The following ZNF687 variants were observed in gnomAD, a reference collection of about 807,000 sequenced individuals.
The protein encoded by ZNF687 is zinc finger protein 687.
ZNF687 carries 13 observed loss-of-function variants against 71.8 expected under a neutral mutation model. The ratio of observed to expected loss-of-function variants is 0.18; its 90% confidence interval spans 0.12 to 0.29. The LOEUF (loss-of-function observed/expected upper bound fraction) is 0.29. ZNF687 is among the 10% of genes least tolerant of loss of function. ZNF687 has a pLI of 1.00. For synonymous variants in ZNF687, 673 were observed against 641.6 expected, an observed-to-expected ratio of 1.05 and a Z score of -0.74; for missense variants, 1,412 against 1,625.6, an observed-to-expected ratio of 0.87 and a Z score of 2.26.
intron 1 of ZNF687, chr1:151,283,941 C>A (rs1449697450): frequency 1.0e-6 from 1 of 985,274 alleles, no homozygotes; most frequent in Non-Finnish European, 1.2e-6. Flanking sequence ...GGGATAGACT[C>A]TTTAGTTGCT....
chr1:151,282,287 C>T, upstream of ZNF687: 2 of 1,003,456 alleles, frequency 2.0e-6, no homozygotes, highest in South Asian at 7.6e-5. Flanking sequence ...GGAGGCCGAA[C>T]CGGAGAGAAG....
chr1:151,285,947 G>A (rs587601028), intron 1 of ZNF687: 1 of 180,332 alleles, frequency 5.5e-6, no homozygotes, highest in African/African-American at 2.3e-5. Flanking sequence ...CTGACCTCAA[G>A]TGATCCATCT....
Position 151,289,999 on chromosome 1 carries a change from C to G in ZNF687, c.2956C>G (p.His986Asp). Residue 986 changes from histidine to aspartate, a missense_variant, in exon 6 of 9, where the codon CAT becomes GAT. By Grantham distance (81) the His-to-Asp change is moderately conservative. Coordinates refer to ENST00000336715, the MANE Select transcript of ZNF687 (RefSeq NM_020832.3). The part of the protein sequence containing the change: ...DEYVAHMKKE[H>D]GKSVKKFPCR... ...ATACGTGGCCCACATGAAGAAGGAG[C>G]ATGGCAAGGTGAGTGGGCCCCAAGG... The G allele has an allele frequency of 1.3e-6, 2 of 1,584,234 alleles. No homozygotes were observed. Among genetic ancestry groups the G allele is most frequent in the Non-Finnish European group, 1.7e-6 (2 of 1,162,710 alleles).
At position 151,289,168 on chromosome 1, in the gene ZNF687, G is replaced by A. The variant is rs1694086159; in HGVS notation, c.2368G>A (p.Val790Ile). The stretch of plus-strand genomic sequence containing the variant: ...CCACATCCAGACGTCGCACTGCGAG[G>A]TTTTCCACAAGTGCCCCATCTGCCC... ...KSHIQTSHCE[V>I]FHKCPICPMA... The change falls in exon 4 of 9, where the codon GTT becomes ATT. Residue 790 changes from valine to isoleucine, a missense_variant. Transcript: ENST00000336715. 10 of 1,614,092 alleles carry A rather than the reference G, an allele frequency of 6.2e-6. No homozygotes were observed. The highest frequency in any genetic ancestry group is 8.5e-6 in the Non-Finnish European group (10 of 1,180,042).
chr1:151,290,838 C>T lies in ZNF687; in HGVS notation c.3343C>T (p.Arg1115Trp), dbSNP rs1161392217. ...TGGAGGCCATGGCCCTCTGCGCTACCGGAGCAGCAGCTCCACAGAACAGAG... is the reference window on the plus strand; with the variant it reads ...TGGAGGCCATGGCCCTCTGCGCTACTGGAGCAGCAGCTCCACAGAACAGAG... ...GSGGHGPLRY[R>W]SSSSTEQSLM... is the part of the protein sequence containing the mutation. Residue 1115 changes from arginine (R) to tryptophan (W), a missense_variant, in exon 9 of 9, where the codon CGG (arginine) becomes TGG (tryptophan). Transcript: ENST00000336715. 11 of 1,614,004 alleles carry T rather than the reference C, an allele frequency of 6.8e-6. No individual in the cohort carries two copies. The highest frequency in any genetic ancestry group is 1.7e-4 in the Middle Eastern group (1 of 6,056).
Position 151,286,314 on chromosome 1 carries a change from AT to A in ZNF687, c.27del (p.Phe9LeufsTer39). The part of the protein sequence containing the change: MGDMKTP[D>X]FDDLLAAFDI... Reference sequence around the variant, plus strand: ...GATATGGGGGATATGAAGACCCCTGATTTTGATGACCTCCTTGCTGCCTTTG... The same window carrying A: ...GATATGGGGGATATGAAGACCCCTGATTTGATGACCTCCTTGCTGCCTTTG... On this transcript the variant is annotated frameshift_variant, in exon 2 of 9. Transcript: ENST00000336715. LOFTEE classifies it high-confidence loss of function. The A allele has an allele frequency of 1.3e-6, 2 of 1,573,196 alleles. No homozygotes were observed. Among genetic ancestry groups the A allele is most frequent in the Non-Finnish European group, 8.6e-7 (1 of 1,163,650 alleles).
intron 1 of ZNF687, chr1:151,285,875 A>G (rs776914199): frequency 6.5e-6 from 1 of 154,530 alleles, no homozygotes; most frequent in Admixed American, 6.5e-5. Flanking sequence ...ACACCTGTCT[A>G]GTTTTTTGTA....
Position 151,289,515 on chromosome 1 carries a change from A to G in ZNF687, c.2609A>G (p.Lys870Arg), listed in dbSNP as rs1374763649. The G allele has an allele frequency of 6.2e-7, 1 of 1,613,976 alleles. No homozygotes were observed. The highest frequency in any genetic ancestry group is 1.7e-5 in the Admixed American group (1 of 60,016). ...TCTTGTCCTCTGCTCTTTGCCCAAA[A>G]AAGGACCATGCTGGAACATCTCAAG... The part of the protein sequence containing the change: ...CPSCPLLFAQ[K>R]RTMLEHLKNT... The change falls in exon 5 of 9, where the codon AAA becomes AGA. Residue 870 changes from lysine to arginine, a missense_variant. Coordinates refer to ENST00000336715, the MANE Select transcript of ZNF687 (RefSeq NM_020832.3).
rs760944471 is a variant in ZNF687, at chr1:151,286,510, C to T, written c.219C>T (p.Gly73=). Residue 73 remains glycine, a synonymous_variant, in exon 2 of 9, where the codon GGC becomes GGT. Coordinates refer to ENST00000336715, the MANE Select transcript of ZNF687 (RefSeq NM_020832.3). ...TTCCAGCCCAGGCCTCTGACCATGG[C>T]CTGCCACCGCCAGACATTTCTGTAG... The part of the protein sequence containing the change: ...PGVPAQASDH[G]LPPPDISVVS... 48 of 1,614,060 alleles carry T rather than the reference C, an allele frequency of 3.0e-5. No homozygotes were observed. Among genetic ancestry groups the T allele is most frequent in the Non-Finnish European group, 3.8e-5 (45 of 1,180,042 alleles).
At position 151,289,278 on chromosome 1, in the gene ZNF687, C is replaced by T; in HGVS notation, c.2471+7C>T. ...TCCAAACTCAGCAGGCCAAGTGAGG[C>T]CCGGGGGAGGGCCGGGCTGGGCCAG... On this transcript the variant is annotated splice_region_variant and intron_variant, in intron 4 of 8. Transcript: ENST00000336715. 1.2e-6 allele frequency: 2 copies of T among 1,613,376 alleles called. No individual in the cohort carries two copies. Among genetic ancestry groups the T allele is most frequent in the Non-Finnish European group, 1.7e-6 (2 of 1,179,592 alleles).
In ZNF687 at chr1:151,290,415, GTCC is replaced by G; in HGVS notation, c.3078-14_3078-12del. The G allele has an allele frequency of 6.2e-7, 1 of 1,613,736 alleles. No individual in the cohort carries two copies. The highest frequency in any genetic ancestry group is 8.5e-7 in the Non-Finnish European group (1 of 1,180,006). ...CGGGCTGTGCCGCTGCTGCCATCCT[GTCC>G]TCTCCCATTTCAGGTATTGCACAGA... On this transcript the variant is annotated splice_polypyrimidine_tract_variant and intron_variant, in intron 7 of 8. Transcript: ENST00000336715.
chr1:151,287,261 T>C lies in ZNF687; in HGVS notation c.970T>C (p.Ser324Pro). The change falls in exon 2 of 9, where the codon TCC (serine) becomes CCC (proline). Residue 324 changes from serine (S) to proline (P), a missense_variant. Transcript: ENST00000336715. This position sits in a 1 kb window ranked among gnomAD's most constrained non-coding sequence, Gnocchi z 5.0. Reference protein sequence around the residue: ...EDSNDSPASSSSRPLKVRIKT... With the variant: ...EDSNDSPASSPSRPLKVRIKT... Reference sequence around the variant, plus strand: ...CAGCAATGACTCCCCTGCCTCCAGCTCCTCTAGGCCTCTTAAGGTGCGGAT... The same window carrying C: ...CAGCAATGACTCCCCTGCCTCCAGCCCCTCTAGGCCTCTTAAGGTGCGGAT... The C allele has an allele frequency of 6.2e-7, 1 of 1,614,122 alleles. No individual in the cohort carries two copies. The highest frequency in any genetic ancestry group is 8.5e-7 in the Non-Finnish European group (1 of 1,180,028).
rs1007007132 is a variant in ZNF687, at chr1:151,287,623, G to A, written c.1332G>A (p.Leu444=). The A allele has an allele frequency of 6.2e-7, 1 of 1,613,220 alleles. No homozygotes were observed. Among genetic ancestry groups the A allele is most frequent in the African/African-American group, 1.3e-5 (1 of 74,894 alleles). The part of the protein sequence containing the change: ...PKMIAKNVLG[L]VPQALPKADG... ...TGATTGCTAAGAACGTGCTAGGCCT[G>A]GTGCCCCAAGCCCTGCCTAAGGCTG... The change falls in exon 2 of 9, where the codon CTG becomes CTA. Residue 444 remains leucine, a synonymous_variant. Coordinates refer to ENST00000336715, the MANE Select transcript of ZNF687 (RefSeq NM_020832.3). This position sits in a 1 kb window ranked among gnomAD's most constrained non-coding sequence, Gnocchi z 5.0.
intron 1 of ZNF687, among the ~76,000 whole-genome samples, chr1:151,282,856 CCA>C (rs1169956506): frequency 6.6e-6 from 1 of 152,146 alleles, no homozygotes; most frequent in African/African-American, 2.4e-5. Context: ...CGATCAGTCT[CCA>C]GTCTCTAGCG....
Position 151,286,854 on chromosome 1 carries a change from G to T in ZNF687, c.563G>T (p.Gly188Val). Residue 188 changes from glycine to valine, a missense_variant, in exon 2 of 9, where the codon GGG becomes GTG. This residue lies in a region of ZNF687 where 490 missense variants were observed against 489.9 expected (regional missense o/e 1.00). Transcript: ENST00000336715. ...PPSAPSPTREGALTPPPFPSS... is the reference protein window; with the variant it reads ...PPSAPSPTREVALTPPPFPSS... ...TCTGCACCCTCTCCCACTCGGGAGG[G>T]GGCTCTGACCCCGCCTCCTTTCCCC... 2 of 1,613,888 alleles carry T rather than the reference G, an allele frequency of 1.2e-6. No homozygotes were observed. The highest frequency in any genetic ancestry group is 2.2e-5 in the South Asian group (2 of 91,060).
chr1:151,283,602 T>TTC (rs1693822568), intron 1 of ZNF687, among the ~76,000 whole-genome samples: 1 of 152,138 alleles, frequency 6.6e-6, no homozygotes, highest in South Asian at 2.1e-4. Context: ...CGCAGGTGTT[T>TTC]TCTCCTAGTC....
Position 151,286,343 on chromosome 1 carries a change from A to C in ZNF687, c.52A>C (p.Ile18Leu). 3.8e-6 allele frequency: 6 copies of C among 1,596,724 alleles called. No individual in the cohort carries two copies. The highest frequency in any genetic ancestry group is 5.1e-6 in the Non-Finnish European group (6 of 1,174,616). The change falls in exon 2 of 9, where the codon ATC becomes CTC. Residue 18 changes from isoleucine (I) to leucine (L), a missense_variant. Around this residue, in one of 8 missense-constraint regions of ZNF687, gnomAD observed 490 missense variants for 489.9 expected, o/e 1.00. Coordinates refer to ENST00000336715, the MANE Select transcript of ZNF687 (RefSeq NM_020832.3). ...DFDDLLAAFD[I>L]PDIDANEAIH... ...TGATGACCTCCTTGCTGCCTTTGAC[A>C]TCCCTGACATTGATGCGAATGAAGC... is the stretch of plus-strand genomic sequence containing the variant.
Position 151,288,048 on chromosome 1 carries a change from A to G in ZNF687, c.1757A>G (p.Lys586Arg). Residue 586 changes from lysine (K) to arginine (R), a missense_variant, in exon 2 of 9, where the codon AAG (lysine) becomes AGG (arginine). Around this residue, in one of 8 missense-constraint regions of ZNF687, gnomAD observed 50 missense variants for 106.6 expected, o/e 0.47. Coordinates refer to ENST00000336715, the MANE Select transcript of ZNF687 (RefSeq NM_020832.3). The stretch of plus-strand genomic sequence containing the variant: ...CTGCTCCTGCATGCACGTGAACACA[A>G]GGACAAGGGGCTCGTCATGCAGTGC... Reference protein sequence around the residue: ...CSLLLHAREHKDKGLVMQCSH... With the variant: ...CSLLLHAREHRDKGLVMQCSH... 6.2e-7 allele frequency: 1 copy of G among 1,614,062 alleles called. No homozygotes were observed. The highest frequency in any genetic ancestry group is 8.5e-7 in the Non-Finnish European group (1 of 1,180,030).
Position 151,288,665 on chromosome 1 carries a change from C to T in ZNF687, c.2253C>T (p.Leu751=). 3 of 1,614,076 alleles carry T rather than the reference C, an allele frequency of 1.9e-6. No homozygotes were observed. The highest frequency in any genetic ancestry group is 1.1e-5 in the South Asian group (1 of 91,068). Residue 751 remains leucine, a synonymous_variant, in exon 3 of 9, where the codon CTC becomes CTT. Transcript: ENST00000336715. ...NFLQANFQTH[L]REACLHVSRR... ...TGCAAGCCAATTTTCAGACCCATCT[C>T]CGGGAGGCCTGTCTGCACGTCTCTC...
Sources: allele counts gnomAD v4.1 joint callset (sites outside exome capture counted in the v4.1 genomes callset), GRCh38; gene constraint gnomAD v4.1.1; regional missense constraint gnomAD v4.1.1; non-coding constraint Gnocchi (gnomAD v3.1); transcripts MANE v1.5; gene names NCBI Gene and HGNC (gene_info 2026-07-23, HGNC 2026-07-21).